DPYSL2: variants seen among roughly 807,000 people sequenced by gnomAD.
The protein encoded by DPYSL2 is dihydropyrimidinase like 2, also known as dihydropyrimidinase-related protein 2.
A neutral mutation model predicts 69.9 loss-of-function variants in DPYSL2; 13 were observed. The observed-to-expected ratio is 0.19, with a 90% confidence interval of 0.12 to 0.30. The LOEUF is 0.30. DPYSL2 is among the 10% of genes least tolerant of loss of function. The pLI is 1.00. For synonymous variants in DPYSL2, 326 were observed against 359.1 expected (o/e 0.91, Z 1.04); for missense variants, 587 against 918.9 (o/e 0.64, Z 4.67).
intron 8 of DPYSL2, among the ~76,000 whole-genome samples, chr8:26,639,033 C>T (rs773537420): frequency 6.6e-6 from 1 of 152,192 alleles, no homozygotes; most frequent in African/African-American, 2.4e-5. Flanking sequence ...TCCCATAACC[C>T]GGGTGCAGAA....
rs570869142 is a variant in DPYSL2 at position 26,628,428 on chromosome 8, G to A, written c.1005+488G>A. Among the ~76,000 whole-genome samples, 10 of 152,298 alleles carry A rather than the reference G, an allele frequency of 6.6e-5. No homozygotes were observed. The South Asian group carries it at 1.7e-3, about 25-fold the overall frequency. ...GTAGACAGAATCTTTTAAAATTATG[G>A]AGGGAAGATTCAGAGCAGGGGCCTG... On this transcript the variant is annotated intron_variant, in intron 7 of 13. Coordinates refer to ENST00000521913, the MANE Select transcript of DPYSL2 (RefSeq NM_001197293.3).
In DPYSL2 at chr8:26,618,778, C is replaced by CAAAA. The variant is rs71216765; in HGVS notation, c.629-5346_629-5343dup. Among the ~76,000 whole-genome samples, 8 of 85,140 alleles carry CAAAA rather than the reference C, an allele frequency of 9.4e-5. No individual in the cohort carries two copies. In the South Asian group the frequency reaches 1.6e-3, roughly 17 times the overall value. 55.9% of individuals were successfully genotyped at this position (85,140 alleles called of 152,430 possible). Reference sequence around the variant, plus strand: ...CAACATGGTGAAACCCCATCTCTACCAAAAAAAAAAAAAAAAAAAAAATAC... The same window carrying CAAAA: ...CAACATGGTGAAACCCCATCTCTACCAAAAAAAAAAAAAAAAAAAAAAAAAATAC... On this transcript the variant is annotated intron_variant, in intron 3 of 13. Transcript: ENST00000521913.
intron 3 of DPYSL2, among the ~76,000 whole-genome samples, chr8:26,594,431 G>A (rs1044204423): frequency 1.1e-4 from 16 of 152,018 alleles, no homozygotes; most frequent in Admixed American, 6.5e-4. Flanking sequence ...AGAAGCTTAC[G>A]AAATGATCGT....
At chr8:26,637,954 A>C (rs1249931772) in intron 8 of DPYSL2, 1 of 152,216 alleles carries the variant, frequency 6.6e-6, no homozygotes, top group African/African-American at 2.4e-5. Context: ...AAGCAGAGTA[A>C]AGATGCCTGC....
At chr8:26,636,353 C>T (rs907733862) in intron 8 of DPYSL2, among the ~76,000 whole-genome samples, 2 of 152,108 alleles carry the variant, frequency 1.3e-5, no homozygotes, top group Non-Finnish European at 2.9e-5. Flanking sequence ...GCTGCCCCCA[C>T]GTAGTGTGGG....
In DPYSL2 at chr8:26,655,865, C is replaced by T. The variant is rs1803376452; in HGVS notation, c.*159C>T. The T allele has an allele frequency of 6.9e-6, 4 of 578,378 alleles. No homozygotes were observed. Among genetic ancestry groups the T allele is most frequent in the Non-Finnish European group, 1.1e-5 (4 of 353,462 alleles). 35.8% of individuals were successfully genotyped at this position (578,378 alleles called of 1,614,324 possible). On this transcript the variant is annotated 3_prime_UTR_variant, in exon 14 of 14. Coordinates refer to ENST00000521913, the MANE Select transcript of DPYSL2 (RefSeq NM_001197293.3). ...AGTTCATGGGGTCCCCCTTGGGGCC[C>T]CACACCCCGTCTCTCACCAAGAGTT... is the stretch of plus-strand genomic sequence containing the variant.
At chr8:26,521,475 CT>C (rs34109742) in intron 1 of DPYSL2, among the ~76,000 whole-genome samples, 104,504 of 148,222 alleles carry the variant, frequency 0.71, 39,385 homozygotes, top group East Asian at 0.89. Context: ...CATGGCTGTT[CT>C]TTTTTTTTTT....
rs558332372 is a variant in DPYSL2 at position 26,582,736 on chromosome 8, CG to C, written c.443+683del. Reference sequence around the variant, plus strand: ...CTGCCCTTTCTACTGGGGTAGCTCCCGGGGCTCTGGAGAAATAGCACATCTG... The same window carrying C: ...CTGCCCTTTCTACTGGGGTAGCTCCCGGGCTCTGGAGAAATAGCACATCTG... On this transcript the variant is annotated intron_variant, in intron 2 of 13. Transcript: ENST00000521913. The surrounding 1 kb of genome is among the most constrained non-coding windows in gnomAD (Gnocchi z 4.1). Among the ~76,000 whole-genome samples, 9 of 152,234 alleles carry C rather than the reference CG, an allele frequency of 5.9e-5. No homozygotes were observed. In the South Asian group the frequency reaches 1.2e-3, roughly 21 times the overall value.
intron 1 of DPYSL2, among the ~76,000 whole-genome samples, chr8:26,551,592 A>G (rs1050758563): frequency 3.3e-5 from 5 of 152,192 alleles, no homozygotes; most frequent in Admixed American, 6.5e-5. Context: ...ATCTAATTGA[A>G]ATTTATATTA....
At position 26,582,001 on chromosome 8, in the gene DPYSL2, T is replaced by G; in HGVS notation, c.387T>G (p.Ile129Met). Reference sequence around the variant, plus strand: ...GTCTTCTGATCAAAGGAGGTAAAATTGTTAATGATGACCAGTCGTTCTATG... The same window carrying G: ...GTCTTCTGATCAAAGGAGGTAAAATGGTTAATGATGACCAGTCGTTCTATG... The part of the protein sequence containing the change: ...SDRLLIKGGK[I>M]VNDDQSFYAD... Residue 129 changes from isoleucine (I) to methionine (M), a missense_variant, in exon 2 of 14, where the codon ATT becomes ATG. Physicochemically the swap from Ile to Met is conservative, Grantham distance 10 (BLOSUM62 1). Transcript: ENST00000521913. This position sits in a 1 kb window ranked among gnomAD's most constrained non-coding sequence, Gnocchi z 4.1. The G allele has an allele frequency of 6.2e-7, 1 of 1,614,028 alleles. No homozygotes were observed. The highest frequency in any genetic ancestry group is 8.5e-7 in the Non-Finnish European group (1 of 1,180,018).
intron 1 of DPYSL2, among the ~76,000 whole-genome samples, chr8:26,555,991 T>A (rs1800941701): frequency 8.9e-6 from 1 of 111,950 alleles, no homozygotes; most frequent in Non-Finnish European, 1.7e-5. Flanking sequence ...ATAGTATATA[T>A]AAATATATAG....
At chr8:26,538,342 C>G (rs1179701680) in intron 1 of DPYSL2, among the ~76,000 whole-genome samples, 1 of 152,106 alleles carries the variant, frequency 6.6e-6, no homozygotes, top group Non-Finnish European at 1.5e-5. Context: ...ACTATAGTAA[C>G]CCAGTGGAGC....
chr8:26,612,623 G>T (rs550067358), intron 3 of DPYSL2, among the ~76,000 whole-genome samples: 2 of 152,298 alleles, frequency 1.3e-5, no homozygotes, highest in East Asian at 3.9e-4. Flanking sequence ...AGGCCGAGGC[G>T]GGTGGATCAC....
intron 1 of DPYSL2, among the ~76,000 whole-genome samples, chr8:26,556,960 C>T (rs191865112): frequency 1.3e-5 from 2 of 152,204 alleles, no homozygotes; most frequent in African/African-American, 2.4e-5. Flanking sequence ...GGAACAAGGA[C>T]AATTCAGTGT....
Position 26,647,393 on chromosome 8 carries a change from A to T in DPYSL2, c.1426-237A>T, listed in dbSNP as rs1187145014. ...TCCCCTCCACCCTCCCTAACCCTGGAAGAACCCATCTAGCCCCTCATCTGT... is the reference window on the plus strand; with the variant it reads ...TCCCCTCCACCCTCCCTAACCCTGGTAGAACCCATCTAGCCCCTCATCTGT... On this transcript the variant is annotated intron_variant, in intron 10 of 13. Transcript: ENST00000521913. This position sits in a 1 kb window ranked among gnomAD's most constrained non-coding sequence, Gnocchi z 5.1. Among the ~76,000 whole-genome samples the T allele has an allele frequency of 6.6e-6, 1 of 152,108 alleles. No individual in the cohort carries two copies. The highest frequency in any genetic ancestry group is 1.5e-5 in the Non-Finnish European group (1 of 68,020).
intron 1 of DPYSL2, among the ~76,000 whole-genome samples, chr8:26,563,665 G>T (rs543444013): frequency 6.6e-6 from 1 of 152,240 alleles, no homozygotes; most frequent in South Asian, 2.1e-4. Flanking sequence ...TCTATCCTCT[G>T]CTTATTTCCT....
rs995058957 is a variant in DPYSL2 at position 26,609,989 on chromosome 8, A to T, written c.629-14154A>T. Among the ~76,000 whole-genome samples the T allele has an allele frequency of 6.6e-6, 1 of 152,176 alleles. No homozygotes were observed. Among genetic ancestry groups the T allele is most frequent in the Non-Finnish European group, 1.5e-5 (1 of 68,030 alleles). On this transcript the variant is annotated intron_variant, in intron 3 of 13. Transcript: ENST00000521913. The surrounding 1 kb of genome is among the most constrained non-coding windows in gnomAD (Gnocchi z 6.5). ...CATACACACACGTACACACTCACCC[A>T]TGTGCACACACACAGGCACACACAT...
Position 26,514,893 on chromosome 8 carries a change from G to A in DPYSL2, c.354+214G>A, listed in dbSNP as rs1271202484. ...GGCCGTGCGCCCACAAAGGCTGCCC[G>A]CGTCTCCTTGAGCTTGAGAGGTGGG... On this transcript the variant is annotated intron_variant, in intron 1 of 13. Transcript: ENST00000521913. The surrounding 1 kb of genome is among the most constrained non-coding windows in gnomAD (Gnocchi z 8.4). Among the ~76,000 whole-genome samples, 14 of 152,172 alleles carry A rather than the reference G, an allele frequency of 9.2e-5. No individual in the cohort carries two copies. Among genetic ancestry groups the A allele is most frequent in the Admixed American group, 9.2e-4 (14 of 15,290 alleles).
chr8:26,572,715 G>T (rs972007486), intron 1 of DPYSL2, among the ~76,000 whole-genome samples: 4 of 152,040 alleles, frequency 2.6e-5, no homozygotes, highest in Non-Finnish European at 5.9e-5. Context: ...GGCCAGGATG[G>T]TCTCGAACTC....
Sources: gnomAD v4.1 joint callset for allele counts (sites outside exome capture counted in the v4.1 genomes callset) on GRCh38, gnomAD v4.1.1 for gene constraint, Gnocchi (gnomAD v3.1) non-coding constraint, MANE v1.5 for transcripts, NCBI Gene and HGNC (gene_info 2026-07-23, HGNC 2026-07-21) for gene names.